Variants in SMIM35 observed in about 807,000 individuals in gnomAD.
SMIM35 encodes TMPRSS4 antisense RNA 1 (non-protein coding).
chr11:118,034,933 AGTG>A (rs2058347894), intron 1 of SMIM35, among the ~76,000 whole-genome samples: 3 of 151,346 alleles, frequency 2.0e-5, no homozygotes, highest in Non-Finnish European at 4.4e-5. Flanking sequence ...TATGAATATA[AGTG>A]GTGAGGAGTT....
At chr11:118,069,252 C>A (rs1944534562) in intron 1 of SMIM35, among the ~76,000 whole-genome samples, 1 of 152,202 alleles carries the variant, frequency 6.6e-6, no homozygotes, top group South Asian at 2.1e-4. Flanking sequence ...TATTAGATAT[C>A]TTATATATGC....
chr11:118,011,274 G>A (rs1046031877), intron 4 of SMIM35, among the ~76,000 whole-genome samples: 1 of 152,198 alleles, frequency 6.6e-6, no homozygotes, highest in Non-Finnish European at 1.5e-5. Flanking sequence ...TGGGTCCTGG[G>A]TCCCATCCTC....
chr11:118,019,470 C>T (rs147319292), intron 1 of SMIM35, among the ~76,000 whole-genome samples: 2,196 of 152,260 alleles, frequency 0.014, 30 homozygotes, highest in Middle Eastern at 0.095. Flanking sequence ...CTAGAATTTA[C>T]GGACAAAATA....
intron 4 of SMIM35, 37 bp downstream of exon 4, chr11:118,013,711 T>G (rs1228134348): frequency 2.5e-6 from 1 of 398,474 alleles, no homozygotes; most frequent in African/African-American, 2.1e-5. Flanking sequence ...TACTTGGACA[T>G]CAGGCTCACT....
intron 1 of SMIM35, among the ~76,000 whole-genome samples, chr11:118,047,126 C>G (rs1369878071): frequency 1.3e-5 from 2 of 152,164 alleles, no homozygotes; most frequent in South Asian, 2.1e-4. Context: ...TCAGCCACCA[C>G]CCCAATGCGG....
At chr11:118,056,022 G>A (rs916648102) in intron 1 of SMIM35, among the ~76,000 whole-genome samples, 3 of 152,170 alleles carry the variant, frequency 2.0e-5, no homozygotes, top group African/African-American at 4.8e-5. Context: ...GGTGGTGAAG[G>A]AAGAAGAGGC....
At chr11:118,070,173 T>G (rs138001712) in intron 1 of SMIM35, among the ~76,000 whole-genome samples, 221 of 152,206 alleles carry the variant, frequency 1.5e-3, no homozygotes, top group African/African-American at 4.8e-3. Context: ...AGCCAGATTC[T>G]TTTTTTTCCT....
chr11:118,068,402 G>A (rs569008674), intron 1 of SMIM35, among the ~76,000 whole-genome samples: 5 of 152,200 alleles, frequency 3.3e-5, no homozygotes, highest in African/African-American at 4.8e-5. Flanking sequence ...TCTCTGTGTC[G>A]AGTCTCCCTC....
intron 1 of SMIM35, chr11:118,029,910 C>T (rs2135054482): frequency 7.6e-6 from 3 of 396,754 alleles, no homozygotes; most frequent in Middle Eastern, 7.3e-4. Context: ...TTTTCAGTTA[C>T]CTAGTTAACA....
At chr11:118,024,023 AAAAAG>A (rs1228217879) in intron 1 of SMIM35, among the ~76,000 whole-genome samples, 5 of 152,084 alleles carry the variant, frequency 3.3e-5, no homozygotes, top group Non-Finnish European at 7.4e-5. Flanking sequence ...TCCAAAAAAA[AAAAAG>A]AAAGAAAGAA....
At chr11:118,034,365 T>G (rs2058342095) in intron 1 of SMIM35, among the ~76,000 whole-genome samples, 1 of 152,122 alleles carries the variant, frequency 6.6e-6, no homozygotes, top group Middle Eastern at 3.2e-3. Flanking sequence ...TGATTACTTT[T>G]TTAAAAAATT....
intron 1 of SMIM35, chr11:118,077,072 C>G: frequency 2.0e-6 from 1 of 491,606 alleles, no homozygotes; most frequent in Non-Finnish European, 3.6e-6. Flanking sequence ...CCAAAGTCCC[C>G]CAATCACTCC....
At chr11:118,056,645 A>T (rs1043905035) in intron 1 of SMIM35, among the ~76,000 whole-genome samples, 1 of 152,192 alleles carries the variant, frequency 6.6e-6, no homozygotes, top group African/African-American at 2.4e-5. Context: ...TGAAATCCCC[A>T]GGAGGAGAAT....
At chr11:118,070,660 A>C (rs1463273927) in intron 1 of SMIM35, among the ~76,000 whole-genome samples, 6 of 152,212 alleles carry the variant, frequency 3.9e-5, no homozygotes, top group Non-Finnish European at 8.8e-5. Flanking sequence ...AAGAAACGGG[A>C]TGGACTCACA....
At chr11:118,072,386 G>C (rs1246198211) in intron 1 of SMIM35, among the ~76,000 whole-genome samples, 1 of 152,228 alleles carries the variant, frequency 6.6e-6, no homozygotes, top group Non-Finnish European at 1.5e-5. Flanking sequence ...TACTCCGGAG[G>C]CTGAGGCAGG....
intron 1 of SMIM35, among the ~76,000 whole-genome samples, chr11:118,032,500 T>C (rs2058327691): frequency 6.6e-6 from 1 of 152,214 alleles, no homozygotes; most frequent in Admixed American, 6.5e-5. Context: ...AAAAGTAATG[T>C]GATGATCTGG....
chr11:118,043,520 G>T (rs2135084106), intron 1 of SMIM35, among the ~76,000 whole-genome samples: 1 of 152,208 alleles, frequency 6.6e-6, no homozygotes, highest in East Asian at 1.9e-4. Flanking sequence ...TATAGAGAAA[G>T]AAAGTAGAGG....
chr11:118,083,726 A>G (rs1251907536), intron 1 of SMIM35, among the ~76,000 whole-genome samples: 1 of 152,180 alleles, frequency 6.6e-6, no homozygotes, highest in Non-Finnish European at 1.5e-5. Context: ...TGAGTAAACT[A>G]TTATTGTTGT....
chr11:118,004,025 G>C lies in SMIM35; in HGVS notation c.*2385C>G, dbSNP rs1455870032. On this transcript the variant is annotated 3_prime_UTR_variant, in exon 5 of 5. Coordinates refer to ENST00000689828, the MANE Select transcript of SMIM35 (RefSeq NM_001394165.1). The stretch of plus-strand genomic sequence containing the variant: ...CAGGATCAAGGTGCCAGCTGAGTGA[G>C]TTCCCTGGGAGGGCTCTCTTCCTGG... The C allele has an allele frequency of 3.9e-5, 6 of 152,262 alleles. No individual in the cohort carries two copies. The highest frequency in any genetic ancestry group is 8.8e-5 in the Non-Finnish European group (6 of 68,076). 9.4% of individuals were successfully genotyped at this position (152,262 alleles called of 1,614,324 possible). A position where few individuals can be genotyped will look rare whatever the true frequency, so the allele number is the denominator to read the frequency against.
Sources: gnomAD v4.1 joint callset for allele counts (sites outside exome capture counted in the v4.1 genomes callset) on GRCh38, gnomAD v4.1.1 for gene constraint, MANE v1.5 for transcripts, NCBI Gene and HGNC (gene_info 2026-07-23, HGNC 2026-07-21) for gene names.